The following CNTNAP2 variants were observed in gnomAD, a reference collection of about 807,000 sequenced individuals.
CNTNAP2 encodes contactin-associated protein-like 2.
A neutral mutation model predicts 155.2 loss-of-function variants in CNTNAP2; 98 were observed. The ratio of observed to expected loss-of-function variants is 0.63; its 90% confidence interval spans 0.54 to 0.75. The LOEUF (loss-of-function observed/expected upper bound fraction) is 0.75, where lower values mean the gene tolerates loss of function less well. CNTNAP2 is among the 30% of genes least tolerant of loss of function. CNTNAP2 has a pLI of 0.00. For missense variants in CNTNAP2, 1,727 were observed against 1,688.1 expected (o/e 1.02, Z -0.40); for synonymous variants, 651 against 631.2 (o/e 1.03, Z -0.47).
At chr7:146,930,169 T>A (rs1485870084) in intron 3 of CNTNAP2, among the ~76,000 whole-genome samples, 1 of 151,912 alleles carries the variant, frequency 6.6e-6, no homozygotes, top group South Asian at 2.1e-4. Context: ...AAGGAAAAAA[T>A]GTTAAGGGCA....
At chr7:146,229,530 AC>A (rs1241786345) in intron 1 of CNTNAP2, among the ~76,000 whole-genome samples, 1 of 152,160 alleles carries the variant, frequency 6.6e-6, no homozygotes, top group Non-Finnish European at 1.5e-5. Flanking sequence ...AGCCTAGGTT[AC>A]AAGGTAATCC....
At chr7:147,803,916 C>A (rs918995842) in intron 13 of CNTNAP2, among the ~76,000 whole-genome samples, 4 of 152,198 alleles carry the variant, frequency 2.6e-5, no homozygotes, top group African/African-American at 7.2e-5. Context: ...CACTTAATTT[C>A]TTTGACTCGT....
chr7:147,444,925 T>C (rs1260097257), intron 10 of CNTNAP2, among the ~76,000 whole-genome samples: 1 of 152,104 alleles, frequency 6.6e-6, no homozygotes, highest in Non-Finnish European at 1.5e-5. Flanking sequence ...CTTATAATCA[T>C]GGTGGAAGGG....
intron 8 of CNTNAP2, among the ~76,000 whole-genome samples, chr7:147,173,699 C>A (rs142607460): frequency 6.6e-6 from 1 of 152,180 alleles, no homozygotes; most frequent in African/African-American, 2.4e-5. Flanking sequence ...AGAGTGATTT[C>A]TCCACCCTAA....
At chr7:148,362,685 G>C (rs1193902109) in intron 21 of CNTNAP2, among the ~76,000 whole-genome samples, 1 of 152,136 alleles carries the variant, frequency 6.6e-6, no homozygotes, top group Admixed American at 6.5e-5. Context: ...CTCTTAACAG[G>C]GGGACTTACT....
At chr7:146,478,569 T>C (rs1389908706) in intron 1 of CNTNAP2, among the ~76,000 whole-genome samples, 3 of 151,820 alleles carry the variant, frequency 2.0e-5, no homozygotes, top group Non-Finnish European at 2.9e-5. Flanking sequence ...CTCCGCACCA[T>C]TGAGTCATCT....
intron 9 of CNTNAP2, among the ~76,000 whole-genome samples, chr7:147,312,247 T>C (rs1795140731): frequency 6.6e-6 from 1 of 151,880 alleles, no homozygotes; most frequent in South Asian, 2.1e-4. Context: ...CTCCTGGGAA[T>C]TTTATTTTAT....
Position 146,536,259 on chromosome 7 carries a change from G to C in CNTNAP2, c.98-238012G>C, listed in dbSNP as rs149483424. 4.1e-3 allele frequency among the ~76,000 whole-genome samples: 627 copies of C among 151,770 alleles called. 3 individuals are homozygous for C. The highest frequency in any genetic ancestry group is 0.013 in the African/African-American group (531 of 41,432). ...CTAAGTCGTTTTTCTTTCTGCAATT[G>C]TTCACTTGTTAGAAGCAATATCTGC... is the stretch of plus-strand genomic sequence containing the variant. On this transcript the variant is annotated intron_variant, in intron 1 of 23. Coordinates refer to ENST00000361727, the MANE Select transcript of CNTNAP2 (RefSeq NM_014141.6).
chr7:146,518,220 G>A (rs1478871448), intron 1 of CNTNAP2, among the ~76,000 whole-genome samples: 3 of 151,164 alleles, frequency 2.0e-5, no homozygotes, highest in African/African-American at 7.3e-5. Flanking sequence ...CATTTCATGG[G>A]ATTTTTGTTT....
chr7:146,786,146 A>C lies in CNTNAP2; in HGVS notation c.208+11765A>C, dbSNP rs184344098. On this transcript the variant is annotated intron_variant, in intron 2 of 23. Transcript: ENST00000361727. Reference sequence around the variant, plus strand: ...CTGTAAAAACTATAGTTCAAACCTGAAAATTACAATTCCTCTATACCAAAT... The same window carrying C: ...CTGTAAAAACTATAGTTCAAACCTGCAAATTACAATTCCTCTATACCAAAT... Among the ~76,000 whole-genome samples the C allele has an allele frequency of 1.2e-3, 177 of 152,342 alleles. 1 individual carries two copies. The highest frequency in any genetic ancestry group is 4.1e-3 in the African/African-American group (169 of 41,580).
intron 8 of CNTNAP2, among the ~76,000 whole-genome samples, chr7:147,265,666 C>G (rs1804590786): frequency 6.6e-6 from 1 of 152,180 alleles, no homozygotes; most frequent in African/African-American, 2.4e-5. Flanking sequence ...AGTCAAAGTG[C>G]TTTGTTAAAT....
chr7:146,478,798 G>A (rs1401954339), intron 1 of CNTNAP2, among the ~76,000 whole-genome samples: 2 of 152,030 alleles, frequency 1.3e-5, no homozygotes, highest in Non-Finnish European at 2.9e-5. Context: ...AAAAGTGAAA[G>A]TTTTGGGGGC....
intron 8 of CNTNAP2, among the ~76,000 whole-genome samples, chr7:147,163,845 G>T (rs1802073099): frequency 6.6e-6 from 1 of 152,032 alleles, no homozygotes; most frequent in Admixed American, 6.6e-5. Context: ...TTCTGTTTTT[G>T]AACAAAATCA....
At chr7:146,186,435 A>G (rs1798625216) in intron 1 of CNTNAP2, among the ~76,000 whole-genome samples, 1 of 152,224 alleles carries the variant, frequency 6.6e-6, no homozygotes, top group African/African-American at 2.4e-5. Context: ...ATTCAATTAT[A>G]CATGTTACTT....
At chr7:147,987,137 T>C (rs973784070) in intron 15 of CNTNAP2, among the ~76,000 whole-genome samples, 2 of 152,198 alleles carry the variant, frequency 1.3e-5, no homozygotes, top group African/African-American at 4.8e-5. Context: ...CATTAATGGA[T>C]TGAGCCCACC....
chr7:146,466,284 A>C (rs1351436569), intron 1 of CNTNAP2, among the ~76,000 whole-genome samples: 2 of 152,150 alleles, frequency 1.3e-5, no homozygotes, highest in African/African-American at 4.8e-5. Flanking sequence ...CTTTCATGTG[A>C]GTGGCTGGGA....
intron 1 of CNTNAP2, among the ~76,000 whole-genome samples, chr7:146,655,729 C>T (rs1218343697): frequency 6.6e-6 from 1 of 152,026 alleles, no homozygotes; most frequent in Non-Finnish European, 1.5e-5. Flanking sequence ...AAATGTATTG[C>T]TATTTGATTT....
At chr7:148,010,821 C>T (rs145455660) in intron 15 of CNTNAP2, among the ~76,000 whole-genome samples, 1 of 152,172 alleles carries the variant, frequency 6.6e-6, no homozygotes, top group African/African-American at 2.4e-5. Flanking sequence ...GCAAGGGTCT[C>T]TTTTGGGCTC....
chr7:147,328,366 A>G (rs2116835513), intron 9 of CNTNAP2, among the ~76,000 whole-genome samples: 2 of 152,320 alleles, frequency 1.3e-5, no homozygotes, highest in East Asian at 1.9e-4. Flanking sequence ...AACAACTAAT[A>G]TAGCTGGAGG....
Sources: gnomAD v4.1 joint callset for allele counts (sites outside exome capture counted in the v4.1 genomes callset) on GRCh38, gnomAD v4.1.1 for gene constraint, MANE v1.5 for transcripts, NCBI Gene and HGNC (gene_info 2026-07-23, HGNC 2026-07-21) for gene names.